The following ERI3 variants were observed in gnomAD, a reference collection of about 807,000 sequenced individuals.
The protein encoded by ERI3 is ERI1 exoribonuclease family member 3.
ERI3 carries 18 observed loss-of-function variants against 44.4 expected under a neutral mutation model. The ratio of observed to expected loss-of-function variants is 0.41; its 90% CI spans 0.28 to 0.60. The LOEUF is 0.60. Among genes scored for constraint, ERI3 ranks in the 20% least tolerant of loss-of-function variants. ERI3 has a pLI of 0.36. For missense variants in ERI3, 294 were observed against 435.5 expected (o/e 0.68, Z 2.89); for synonymous variants, 183 against 164.8 (o/e 1.11, Z -0.84).
intron 7 of ERI3, among the ~76,000 whole-genome samples, chr1:44,248,702 AGTGTGT>A (rs143570480): frequency 1.4e-3 from 202 of 148,474 alleles, no homozygotes; most frequent in African/African-American, 4.5e-3. Context: ...TGTGAGAGAG[AGTGTGT>A]GTGTGTGTGT....
intron 7 of ERI3, among the ~76,000 whole-genome samples, chr1:44,269,482 A>G (rs759346749): frequency 5.3e-5 from 8 of 152,352 alleles, no homozygotes; most frequent in African/African-American, 1.7e-4. Context: ...CCGTGCACAC[A>G]TAAGAATATA....
chr1:44,321,591 ACT>A (rs1258364581), intron 3 of ERI3, among the ~76,000 whole-genome samples: 2 of 152,120 alleles, frequency 1.3e-5, no homozygotes, highest in African/African-American at 4.8e-5. Context: ...CCAAGAGCCA[ACT>A]CTGAGGTGTT....
intron 7 of ERI3, among the ~76,000 whole-genome samples, chr1:44,268,786 G>A (rs1270371182): frequency 1.3e-5 from 2 of 152,198 alleles, no homozygotes; most frequent in Non-Finnish European, 2.9e-5. Context: ...TAAAAGACCA[G>A]AGGAAGGGCC....
chr1:44,308,362 G>C lies in ERI3; in HGVS notation c.706C>G (p.Pro236Ala). 1.2e-6 allele frequency: 2 copies of C among 1,614,188 alleles called. No homozygotes were observed. Among genetic ancestry groups the C allele is most frequent in the Non-Finnish European group, 1.7e-6 (2 of 1,180,018 alleles). ...GTGACAAAAATTGACTTGACGTTTG[G>C]ATCTAAGAGGCCTTCCTTCGCCATC... The part of the protein sequence containing the change: ...EWMAKEGLLD[P>A]NVKSIFVTCG... The change falls in exon 6 of 9, where the codon CCA (proline) becomes GCA (alanine). Residue 236 changes from proline to alanine, a missense_variant. This residue lies in a region of ERI3 where 187 missense variants were observed against 338.6 expected (regional missense o/e 0.55). Coordinates refer to ENST00000372257, the MANE Select transcript of ERI3 (RefSeq NM_024066.3).
chr1:44,289,916 C>A (rs1054786951), intron 6 of ERI3, among the ~76,000 whole-genome samples: 2 of 152,226 alleles, frequency 1.3e-5, no homozygotes, highest in African/African-American at 2.4e-5. Flanking sequence ...GACTGGCAGA[C>A]AGGCCAACAG....
intron 7 of ERI3, among the ~76,000 whole-genome samples, chr1:44,250,779 A>C (rs1435408287): frequency 6.6e-6 from 1 of 152,196 alleles, no homozygotes; most frequent in East Asian, 1.9e-4. Context: ...GGGTCTGCCA[A>C]GCTCCTAATA....
At chr1:44,335,354 C>CA (rs112554874) in intron 3 of ERI3, among the ~76,000 whole-genome samples, 6,867 of 117,402 alleles carry the variant, frequency 0.058, 216 homozygotes, top group Admixed American at 0.1. Flanking sequence ...GACTCTGTCT[C>CA]AAAAAAAAAA....
chr1:44,354,904 C>CA lies in ERI3; in HGVS notation c.122_123insT (p.Gln42AlafsTer111). On this transcript the variant is annotated frameshift_variant, in exon 1 of 9. Coordinates refer to ENST00000372257, the MANE Select transcript of ERI3 (RefSeq NM_024066.3). LOFTEE classifies it high-confidence loss of function. ...CAGCATCACCCACCCCGGGGTGTTG[C>CA]CCCCAACTCGGGCCCATCCAAGTCC... 7.6e-7 allele frequency: 1 copy of CA among 1,317,640 alleles called. No homozygotes were observed. Among genetic ancestry groups the CA allele is most frequent in the Non-Finnish European group, 9.8e-7 (1 of 1,024,524 alleles). 81.6% of individuals were successfully genotyped at this position (1,317,640 alleles called of 1,614,324 possible). A position where few individuals can be genotyped will look rare whatever the true frequency, so the allele number is the denominator to read the frequency against.
At chr1:44,301,953 C>T (rs1645735186) in intron 6 of ERI3, among the ~76,000 whole-genome samples, 1 of 152,208 alleles carries the variant, frequency 6.6e-6, no homozygotes, top group Non-Finnish European at 1.5e-5. Flanking sequence ...ATATGACTTT[C>T]AACTTCGCTT....
In ERI3 at chr1:44,308,406, A is replaced by G. The variant is rs771790313; in HGVS notation, c.667-5T>C. 1 of 1,612,958 alleles carries G rather than the reference A, an allele frequency of 6.2e-7. No homozygotes were observed. The highest frequency in any genetic ancestry group is 8.5e-7 in the Non-Finnish European group (1 of 1,178,904). On this transcript the variant is annotated splice_polypyrimidine_tract_variant and splice_region_variant and intron_variant, in intron 5 of 8. Transcript: ENST00000372257. ...CGCCATCCATTCATCGACCCTCTGA[A>G]AAGTACACAAGAACAAATGAGATTT...
chr1:44,329,205 G>A (rs1646379406), intron 3 of ERI3, among the ~76,000 whole-genome samples: 1 of 152,138 alleles, frequency 6.6e-6, no homozygotes, highest in African/African-American at 2.4e-5. Flanking sequence ...AGCTTATCTG[G>A]TCTATCTAAC....
chr1:44,331,747 C>A (rs1046516637), intron 3 of ERI3, among the ~76,000 whole-genome samples: 3 of 152,178 alleles, frequency 2.0e-5, no homozygotes, highest in African/African-American at 7.2e-5. Flanking sequence ...CAGACTTAGG[C>A]CATTTCATTC....
chr1:44,281,620 A>ATATATAAT (rs1033322874), intron 7 of ERI3, among the ~76,000 whole-genome samples: 3 of 141,476 alleles, frequency 2.1e-5, no homozygotes, highest in Non-Finnish European at 3.1e-5. Flanking sequence ...ATATATATAT[A>ATATATAAT]ATATATATAT....
At chr1:44,324,364 C>T (rs77431299) in intron 3 of ERI3, among the ~76,000 whole-genome samples, 1 of 152,030 alleles carries the variant, frequency 6.6e-6, no homozygotes, top group African/African-American at 2.4e-5. Context: ...GATCTACTCT[C>T]ATCTCTGAGT....
intron 7 of ERI3, among the ~76,000 whole-genome samples, chr1:44,261,357 G>A (rs766494059): frequency 1.1e-4 from 17 of 152,242 alleles, no homozygotes; most frequent in Non-Finnish European, 1.8e-4. Context: ...CCAGCCGAGC[G>A]AGTCTTTCTA....
chr1:44,328,698 A>G (rs1646367222), intron 3 of ERI3, among the ~76,000 whole-genome samples: 1 of 152,222 alleles, frequency 6.6e-6, no homozygotes, highest in Non-Finnish European at 1.5e-5. Context: ...GCTGGTTCTC[A>G]GACCACAATT....
At chr1:44,254,498 T>G (rs1644743962) in intron 7 of ERI3, among the ~76,000 whole-genome samples, 1 of 152,150 alleles carries the variant, frequency 6.6e-6, no homozygotes, top group Admixed American at 6.5e-5. Flanking sequence ...CCCCCAATTT[T>G]TAACACCCTG....
At chr1:44,279,888 TGTTA>T (rs1432345997) in intron 7 of ERI3, among the ~76,000 whole-genome samples, 2 of 152,244 alleles carry the variant, frequency 1.3e-5, no homozygotes, top group East Asian at 3.8e-4. Context: ...ATTTTGCATT[TGTTA>T]ATGTGCAATT....
At position 44,281,619 on chromosome 1, in the gene ERI3, T is replaced by A. The variant is rs983455287; in HGVS notation, c.831+3216A>T. Reference sequence around the variant, plus strand: ...AAAAAAAAATATATATATATATATATAATATATATATTCATTTATCGATGA... The same window carrying A: ...AAAAAAAAATATATATATATATATAAAATATATATATTCATTTATCGATGA... On this transcript the variant is annotated intron_variant, in intron 7 of 8. Transcript: ENST00000372257. 1.1e-4 allele frequency among the ~76,000 whole-genome samples: 16 copies of A among 142,778 alleles called. No individual in the cohort carries two copies. The South Asian group carries it at 1.8e-3, about 16-fold the overall frequency. The allele number at this position is 142,778 out of a possible 152,430, so 93.7% of individuals were successfully genotyped here.
Sources: gnomAD v4.1 joint callset for allele counts (sites outside exome capture counted in the v4.1 genomes callset) on GRCh38, gnomAD v4.1.1 for gene constraint, gnomAD v4.1.1 regional missense constraint, MANE v1.5 for transcripts, NCBI Gene and HGNC (gene_info 2026-07-23, HGNC 2026-07-21) for gene names.